Variants in ABCC4 observed in about 807,000 individuals in gnomAD.
The protein encoded by ABCC4 is ATP-binding cassette sub-family C member 4.
Under a neutral mutation model 168.5 loss-of-function variants are expected in ABCC4, and 102 were observed. The observed-to-expected ratio is 0.61, with a 90% CI of 0.52 to 0.71. The LOEUF is 0.71. Among genes scored for constraint, ABCC4 ranks in the 30% least tolerant of loss-of-function variants. ABCC4 has a pLI of 0.00. For missense variants in ABCC4, 1,402 were observed against 1,605.8 expected, an observed-to-expected ratio of 0.87 and a Z score of 2.17; for synonymous variants, 617 against 590.7, an observed-to-expected ratio of 1.04 and a Z score of -0.65.
intron 29 of ABCC4, among the ~76,000 whole-genome samples, chr13:95,042,147 C>T (rs903991554): frequency 6.6e-6 from 1 of 152,120 alleles, no homozygotes; most frequent in Admixed American, 6.5e-5. Context: ...TCAACAGTTA[C>T]ATCCTCCAAG....
chr13:95,032,904 C>T (rs1306324703), intron 30 of ABCC4, among the ~76,000 whole-genome samples: 2 of 150,634 alleles, frequency 1.3e-5, no homozygotes, highest in African/African-American at 2.4e-5. Flanking sequence ...CCTTGTGATC[C>T]ACCCGCCTCG....
At chr13:95,286,956 CA>C (rs34188007) in intron 1 of ABCC4, among the ~76,000 whole-genome samples, 11,354 of 118,756 alleles carry the variant, frequency 0.096, 1,012 homozygotes, top group African/African-American at 0.26. Context: ...AACTCTGTCT[CA>C]AAAAAAAAAA....
chr13:95,263,154 A>T (rs1177846685), intron 1 of ABCC4, among the ~76,000 whole-genome samples: 1 of 152,216 alleles, frequency 6.6e-6, no homozygotes, highest in Non-Finnish European at 1.5e-5. Flanking sequence ...AGCTTCCTTC[A>T]GGCATGAACT....
chr13:95,028,982 A>G (rs761266675), intron 30 of ABCC4, among the ~76,000 whole-genome samples: 1 of 151,856 alleles, frequency 6.6e-6, no homozygotes, highest in Non-Finnish European at 1.5e-5. Context: ...CCTGGCCAAC[A>G]TGGTAAAAAC....
chr13:95,072,456 T>C (rs2033763776), intron 24 of ABCC4, among the ~76,000 whole-genome samples: 1 of 152,062 alleles, frequency 6.6e-6, no homozygotes, highest in Non-Finnish European at 1.5e-5. Context: ...AGCAAAACTC[T>C]GTCCCCTCAC....
intron 26 of ABCC4, among the ~76,000 whole-genome samples, chr13:95,056,785 G>A (rs1232289344): frequency 6.6e-6 from 1 of 152,126 alleles, no homozygotes; most frequent in Non-Finnish European, 1.5e-5. Flanking sequence ...CTGAGCAGTG[G>A]GCTGCTTAAA....
chr13:95,213,206 T>C (rs1217311440), intron 4 of ABCC4, among the ~76,000 whole-genome samples: 3 of 149,906 alleles, frequency 2.0e-5, no homozygotes, highest in African/African-American at 4.9e-5. Flanking sequence ...GGACTTGCCC[T>C]CCCCTGGAAA....
intron 19 of ABCC4, among the ~76,000 whole-genome samples, chr13:95,135,735 G>A (rs1397561140): frequency 1.3e-5 from 2 of 152,008 alleles, no homozygotes; most frequent in Non-Finnish European, 2.9e-5. Context: ...TATTAAAGAT[G>A]TTGCTCACAT....
At chr13:95,269,384 C>A (rs1335556437) in intron 1 of ABCC4, 2 of 440,400 alleles carry the variant, frequency 4.5e-6, no homozygotes. Context: ...TGAGACTGCG[C>A]CACTGCACTC....
intron 16 of ABCC4, 149 bp downstream of exon 16, chr13:95,164,229 G>C: frequency 1.1e-6 from 1 of 903,706 alleles, no homozygotes; most frequent in South Asian, 1.8e-5. Flanking sequence ...AACGGACATG[G>C]AACACCAGTA....
rs370935407 is a variant in ABCC4, at chr13:95,248,033, T to C, written c.75-280A>G. 2.1e-3 allele frequency among the ~76,000 whole-genome samples: 313 copies of C among 152,014 alleles called. 2 individuals are homozygous for C. The highest frequency in any genetic ancestry group is 7.1e-3 in the African/African-American group (296 of 41,400). ...GCCCAGATCTTGGTTTCCAAAACCA[T>C]TATTATCTAAAAGGAACCAGAGCTT... On this transcript the variant is annotated intron_variant, in intron 1 of 30. Coordinates refer to ENST00000645237, the MANE Select transcript of ABCC4 (RefSeq NM_005845.5).
intron 30 of ABCC4, among the ~76,000 whole-genome samples, chr13:95,022,132 A>C (rs2031124143): frequency 6.6e-6 from 1 of 152,226 alleles, no homozygotes; most frequent in Admixed American, 6.5e-5. Flanking sequence ...ACTCTGATTG[A>C]CAAGCATTGA....
intron 19 of ABCC4, among the ~76,000 whole-genome samples, chr13:95,136,444 C>T (rs1349897249): frequency 1.3e-5 from 2 of 152,134 alleles, no homozygotes; most frequent in Admixed American, 6.5e-5. Flanking sequence ...CGTGAGCCAC[C>T]GTACCCGGCC....
intron 27 of ABCC4, among the ~76,000 whole-genome samples, chr13:95,049,637 T>C (rs139534773): frequency 0.011 from 1,553 of 146,938 alleles, 15 homozygotes; most frequent in Non-Finnish European, 0.018. Flanking sequence ...TGAGACTCTG[T>C]CTCAAATAAA....
intron 20 of ABCC4, among the ~76,000 whole-genome samples, chr13:95,102,917 G>A (rs969832450): frequency 8.8e-5 from 13 of 147,524 alleles, no homozygotes; most frequent in African/African-American, 3.0e-4. Context: ...TACCACACCT[G>A]GCCCAGTCAC....
intron 1 of ABCC4, among the ~76,000 whole-genome samples, chr13:95,282,024 T>C (rs1294534252): frequency 6.6e-6 from 1 of 151,964 alleles, no homozygotes. Context: ...GGAGAATTGC[T>C]TGAACCTGGG....
At chr13:95,236,477 C>T (rs144386743) in intron 3 of ABCC4, among the ~76,000 whole-genome samples, 133 of 152,316 alleles carry the variant, frequency 8.7e-4, no homozygotes, top group African/African-American at 3.1e-3. Flanking sequence ...AAAATTAACA[C>T]ACACTTTCAT....
chr13:95,199,641 C>G (rs2038566081), intron 8 of ABCC4, among the ~76,000 whole-genome samples: 1 of 152,176 alleles, frequency 6.6e-6, no homozygotes, highest in Admixed American at 6.5e-5. Context: ...GCTTTCAAAT[C>G]TATCCAAGGC....
chr13:95,062,182 C>A (rs1327059372), intron 26 of ABCC4, among the ~76,000 whole-genome samples: 1 of 152,126 alleles, frequency 6.6e-6, no homozygotes, highest in Admixed American at 6.5e-5. Flanking sequence ...TCTTTAACAA[C>A]CTCCTGGTTA....
Sources: allele counts gnomAD v4.1 joint callset (sites outside exome capture counted in the v4.1 genomes callset), GRCh38; gene constraint gnomAD v4.1.1; transcripts MANE v1.5; gene names NCBI Gene and HGNC (gene_info 2026-07-23, HGNC 2026-07-21).